Variants in SSX5 observed in about 807,000 individuals in gnomAD.
SSX5 encodes SSX family member 5.
A neutral mutation model predicts 14.9 loss-of-function variants in SSX5; 14 were observed. The observed-to-expected ratio is 0.94, with a 90% CI of 0.62 to 1.47. The LOEUF (loss-of-function observed/expected upper bound fraction) is 1.47, where lower values mean the gene tolerates loss of function less well. SSX5 is among the 40% of genes most tolerant of loss of function. The probability of loss-of-function intolerance (pLI) is 0.00; values close to 1 mark genes in which losing one functional copy is unlikely to be tolerated. For synonymous variants in SSX5, 70 were observed against 55.4 expected, an observed-to-expected ratio of 1.26 and a Z score of -1.17; for missense variants, 204 against 154.6, an observed-to-expected ratio of 1.32 and a Z score of -1.70.
chrX:48,188,916 T>G (rs782388088), intron 6 of SSX5, among the ~76,000 whole-genome samples: 1 of 111,555 alleles, frequency 9.0e-6, no homozygotes, highest in African/African-American at 3.2e-5. Context: ...CCTTACTGCT[T>G]AAATGAGAAA....
intron 7 of SSX5, 92 bp from the exon 8 acceptor site, chrX:48,186,948 C>A (rs1323310666): frequency 2.5e-5 from 27 of 1,088,310 alleles, no homozygotes; most frequent in Non-Finnish European, 3.0e-5. Context: ...CAGACCCTGC[C>A]CACTCCGATT....
chrX:48,188,644 T>C (rs186335476), intron 6 of SSX5, among the ~76,000 whole-genome samples: 198 of 111,588 alleles, frequency 1.8e-3, no homozygotes, highest in African/African-American at 6.1e-3. Flanking sequence ...AACCCTACAA[T>C]GGCCGCTAAG....
In SSX5 at chrX:48,195,305, T is replaced by C. The variant is rs782771404; in HGVS notation, c.54A>G (p.Pro18=). ...GTCACCTCACCTTTTGCATCTTCTCTGGTATTTGAGAACCAACCCTAGGTC... is the reference window on the plus strand; with the variant it reads ...GTCACCTCACCTTTTGCATCTTCTCCGGTATTTGAGAACCAACCCTAGGTC... ...VRRPRVGSQI[P]EKMQKAFDDI... Residue 18 remains proline, a synonymous_variant, in exon 2 of 8, where the codon CCA becomes CCG. Coordinates refer to ENST00000347757, the MANE Select transcript of SSX5 (RefSeq NM_175723.2). The C allele has an allele frequency of 2.5e-6, 3 of 1,209,516 alleles. No homozygotes were observed. The African/African-American group carries it at 5.3e-5, about 21-fold the overall frequency.
chrX:48,194,789 T>A lies in SSX5; in HGVS notation c.135A>T (p.Lys45Asn). Residue 45 changes from lysine (K) to asparagine (N), a missense_variant, in exon 3 of 8, where the codon AAA becomes AAT. Coordinates refer to ENST00000347757, the MANE Select transcript of SSX5 (RefSeq NM_175723.2). ...KEWEKMKASE[K>N]IIYVYMKRKY... ...TTCTCTTCATATACACATAGATGAT[T>A]TTCTCCGAGGCTTTCATCTTTTCCC... 1.7e-6 allele frequency: 2 copies of A among 1,210,952 alleles called. No homozygotes were observed. Among genetic ancestry groups the A allele is most frequent in the Non-Finnish European group, 2.2e-6 (2 of 895,092 alleles).
intron 6 of SSX5, 37 bp downstream of exon 6, chrX:48,190,096 A>G: frequency 1.7e-6 from 2 of 1,205,574 alleles, no homozygotes; most frequent in Non-Finnish European, 2.2e-6. Context: ...TTAGCGAGAA[A>G]AGCCAGAGTG....
Position 48,196,377 on chromosome X carries a change from G to GTT in SSX5, c.-21+352_-21+353dup, listed in dbSNP as rs782199815. On this transcript the variant is annotated intron_variant, in intron 1 of 7. Transcript: ENST00000347757. ...AGCCCAGGAGGAAAGATTTGAGTGA[G>GTT]TTTTTTTTTTTTTTTTTGGTCAGAC... Among the ~76,000 whole-genome samples the GTT allele has an allele frequency of 3.6e-3, 351 of 97,169 alleles. 2 individuals are homozygous for GTT. Among genetic ancestry groups the GTT allele is most frequent in the African/African-American group, 5.7e-3 (155 of 27,042 alleles). 84.4% of individuals were successfully genotyped at this position (97,169 alleles called of 115,157 possible). A position where few individuals can be genotyped will look rare whatever the true frequency, so the allele number is the denominator to read the frequency against.
chrX:48,190,137 TG>T lies in SSX5; in HGVS notation c.461del (p.Thr154AsnfsTer22). 1.7e-6 allele frequency: 2 copies of T among 1,210,125 alleles called. No individual in the cohort carries two copies. The highest frequency in any genetic ancestry group is 3.5e-5 in the South Asian group (2 of 56,751). The stretch of plus-strand genomic sequence containing the variant: ...TCCCAAATTCTTTTCTCTTACCAGA[TG>T]TCTTGTTAACCTTCTCAGAGGTATT... Reference protein sequence around the residue: ...KLNTSEKVNKTSGPKRGKHAW... With the variant: ...KLNTSEKVNKXSGPKRGKHAW... On this transcript the variant is annotated frameshift_variant, in exon 6 of 8. Coordinates refer to ENST00000347757, the MANE Select transcript of SSX5 (RefSeq NM_175723.2). LOFTEE classifies it high-confidence loss of function.
chrX:48,189,631 T>C (rs782069715), intron 6 of SSX5, among the ~76,000 whole-genome samples: 1 of 112,734 alleles, frequency 8.9e-6, no homozygotes, highest in Admixed American at 9.4e-5. Context: ...CAGTATATTG[T>C]AAACATAATG....
intron 6 of SSX5, among the ~76,000 whole-genome samples, chrX:48,188,659 G>C (rs1349826215): frequency 9.0e-5 from 10 of 111,633 alleles, no homozygotes; most frequent in Non-Finnish European, 1.5e-4. Flanking sequence ...GCTAAGTGTT[G>C]AAATGAAAGG....
At position 48,192,235 on chromosome X, in the gene SSX5, C is replaced by T. The variant is rs143939143; in HGVS notation, c.327G>A (p.Pro109=). 140 of 1,209,037 alleles carry T rather than the reference C, an allele frequency of 1.2e-4. No homozygotes were observed. Among genetic ancestry groups the T allele is most frequent in the African/African-American group, 5.3e-4 (30 of 57,113 alleles). The change falls in exon 5 of 8, where the codon CCG becomes CCA. Residue 109 remains proline, a synonymous_variant. Transcript: ENST00000347757. ...TTTAGATTTGAGAGACACTCACCTT[C>T]GGGAAGATTCCCTGGAGCCTGCCGA... ...MTFGRLQGIF[P]KITPEKPAEE... is the part of the protein sequence containing the mutation.
Position 48,194,796 on chromosome X carries a change from G to A in SSX5, c.128C>T (p.Ser43Leu), listed in dbSNP as rs781880821. The A allele has an allele frequency of 1.2e-5, 14 of 1,208,591 alleles. No homozygotes were observed. The South Asian group carries it at 1.2e-4, about 11-fold the overall frequency. Residue 43 changes from serine (S) to leucine (L), a missense_variant, in exon 3 of 8, where the codon TCG becomes TTG. Transcript: ENST00000347757. ...SEKEWEKMKA[S>L]EKIIYVYMKR... ...CATATACACATAGATGATTTTCTCC[G>A]AGGCTTTCATCTTTTCCCACTCTTT...
chrX:48,194,175 G>A lies in SSX5; in HGVS notation c.234C>T (p.Asp78=). Residue 78 remains aspartate (D), a synonymous_variant, in exon 4 of 8, where the codon GAC becomes GAT. Coordinates refer to ENST00000347757, the MANE Select transcript of SSX5 (RefSeq NM_175723.2). ...CATTATCAAAATCATTCCCCTGGAA[G>A]TCTGCGACCCGTTTATTACGCATGA... ...PPFMRNKRVA[D]FQGNDFDNDP... is the part of the protein sequence containing the mutation. 1 of 1,210,746 alleles carries A rather than the reference G, an allele frequency of 8.3e-7. No individual in the cohort carries two copies. Among genetic ancestry groups the A allele is most frequent in the South Asian group, 1.8e-5 (1 of 56,923 alleles).
In SSX5 at chrX:48,186,403, T is replaced by TGTGTGTGTGTGTGTGTGCGCGCGCGC. The variant is rs1327257757; in HGVS notation, c.*457_*458insGCGCGCGCGCACACACACACACACAC. On this transcript the variant is annotated 3_prime_UTR_variant, in exon 8 of 8. Coordinates refer to ENST00000347757, the MANE Select transcript of SSX5 (RefSeq NM_175723.2). ...GTGTGTGTGTGTGTGTGTGTGTGTGTGCGCGCGCGCGCGCATGTGTGTCTG... is the reference window on the plus strand; with the variant it reads ...GTGTGTGTGTGTGTGTGTGTGTGTGTGTGTGTGTGTGTGTGTGCGCGCGCGCGCGCGCGCGCGCGCATGTGTGTCTG... The TGTGTGTGTGTGTGTGTGCGCGCGCGC allele has an allele frequency of 7.9e-6, 1 of 126,230 alleles. No individual in the cohort carries two copies. The highest frequency in any genetic ancestry group is 4.0e-5 in the African/African-American group (1 of 24,997). The allele number at this position is 126,230 out of a possible 1,213,427, so 10.4% of individuals were successfully genotyped here.
At chrX:48,193,083 AG>A (rs2059426307) in intron 4 of SSX5, among the ~76,000 whole-genome samples, 1 of 111,881 alleles carries the variant, frequency 8.9e-6, no homozygotes, top group Non-Finnish European at 1.9e-5. Flanking sequence ...ACAGAGAATC[AG>A]GGTTCTTTGG....
intron 3 of SSX5, 56 bp downstream of exon 3, chrX:48,194,684 T>A (rs1167759984): frequency 5.3e-6 from 6 of 1,125,237 alleles, no homozygotes; most frequent in Middle Eastern, 3.0e-4. Context: ...TAGCCAAAGC[T>A]GGAAAAGGGA....
chrX:48,188,541 T>G (rs782738910), intron 6 of SSX5, among the ~76,000 whole-genome samples: 4 of 112,609 alleles, frequency 3.6e-5, no homozygotes, highest in African/African-American at 1.3e-4. Context: ...GTGTTCTGAC[T>G]GCTCCACCGA....
rs1432921873 is a variant in SSX5 at position 48,187,432 on chromosome X, C to T, written c.*4+195G>A. On this transcript the variant is annotated intron_variant, in intron 7 of 7. Coordinates refer to ENST00000347757, the MANE Select transcript of SSX5 (RefSeq NM_175723.2). ...CCGAGATCATGCCACTGCACTCCAG[C>T]CTGGGGGAACAAAAGGAGACTCCCC... Among the ~76,000 whole-genome samples the T allele has an allele frequency of 2.7e-5, 3 of 110,403 alleles. No individual in the cohort carries two copies. In the Admixed American group the frequency reaches 2.9e-4, roughly 11 times the overall value.
rs782570196 is a variant in SSX5, at chrX:48,192,839, A to C, written c.281-558T>G. 2.7e-5 allele frequency among the ~76,000 whole-genome samples: 3 copies of C among 112,619 alleles called. No homozygotes were observed. In the South Asian group the frequency reaches 1.1e-3, roughly 42 times the overall value. On this transcript the variant is annotated intron_variant, in intron 4 of 7. Coordinates refer to ENST00000347757, the MANE Select transcript of SSX5 (RefSeq NM_175723.2). Reference sequence around the variant, plus strand: ...AGTCTGGCCTGTTTAGTTGGCGAGTAATAGGTCTATTGGAGACAGTTTGGA... The same window carrying C: ...AGTCTGGCCTGTTTAGTTGGCGAGTCATAGGTCTATTGGAGACAGTTTGGA...
chrX:48,194,580 G>A (rs1240180963), intron 3 of SSX5, among the ~76,000 whole-genome samples, 160 bp downstream of exon 3: 1 of 110,939 alleles, frequency 9.0e-6, no homozygotes, highest in Non-Finnish European at 1.9e-5. Context: ...CCTCAGCCCT[G>A]ACAAGATACA....
Sources: allele counts gnomAD v4.1 joint callset (sites outside exome capture counted in the v4.1 genomes callset), GRCh38; gene constraint gnomAD v4.1.1; transcripts MANE v1.5; gene names NCBI Gene and HGNC (gene_info 2026-07-23, HGNC 2026-07-21).